Variants in ZCCHC24 observed in about 807,000 individuals in gnomAD.
ZCCHC24 encodes zinc finger CCHC-type containing 24.
ZCCHC24 carries 10 observed loss-of-function variants against 26.2 expected under a neutral mutation model. The ratio of observed to expected loss-of-function variants is 0.38; its 90% CI spans 0.24 to 0.65. The LOEUF (loss-of-function observed/expected upper bound fraction) is 0.65. Ranked by LOEUF, ZCCHC24 falls within the 30% of genes least tolerant of loss-of-function variation. ZCCHC24 has a pLI of 0.54. For missense variants in ZCCHC24, 243 were observed against 329.1 expected, an observed-to-expected ratio of 0.74 and a Z score of 2.03; for synonymous variants, 144 against 147.1, an observed-to-expected ratio of 0.98 and a Z score of 0.15.
chr10:79,407,610 C>G (rs1011053929), intron 2 of ZCCHC24, among the ~76,000 whole-genome samples: 1 of 152,158 alleles, frequency 6.6e-6, no homozygotes, highest in Non-Finnish European at 1.5e-5. Flanking sequence ...AGCCACCGCC[C>G]CAGTGATCCT....
At chr10:79,397,679 T>G (rs746132977) in intron 2 of ZCCHC24, among the ~76,000 whole-genome samples, 2 of 152,128 alleles carry the variant, frequency 1.3e-5, no homozygotes, top group Non-Finnish European at 2.9e-5. Flanking sequence ...AGGTGGGAAC[T>G]TGGGGACTCT....
At chr10:79,391,622 C>T (rs2132175487) in intron 3 of ZCCHC24, among the ~76,000 whole-genome samples, 1 of 152,070 alleles carries the variant, frequency 6.6e-6, no homozygotes, top group Admixed American at 6.5e-5. Flanking sequence ...TTCCTGACTC[C>T]TGCCCCCAGC....
At position 79,444,275 on chromosome 10, in the gene ZCCHC24, C is replaced by T. The variant is rs553325918; in HGVS notation, c.246+920G>A. On this transcript the variant is annotated intron_variant, in intron 1 of 3. Coordinates refer to ENST00000372336, the MANE Select transcript of ZCCHC24 (RefSeq NM_153367.4). ...ATGGAGGGAGGGGAGGAGTCCAGCC[C>T]ACGGAAAGGAGTGGTATCTGGGCAG... 2.4e-4 allele frequency: 346 copies of T among 1,426,442 alleles called. 4 individuals carry two copies. The South Asian group carries it at 5.2e-3, about 21-fold the overall frequency. The allele number at this position is 1,426,442 out of a possible 1,614,324, so 88.4% of individuals were successfully genotyped here.
chr10:79,434,088 G>A (rs186192593), intron 1 of ZCCHC24, among the ~76,000 whole-genome samples: 6 of 152,282 alleles, frequency 3.9e-5, no homozygotes, highest in South Asian at 2.1e-4. Flanking sequence ...CAGGACACAC[G>A]GCTGTGTGAC....
intron 2 of ZCCHC24, among the ~76,000 whole-genome samples, chr10:79,397,486 T>A (rs1474338451): frequency 6.6e-6 from 1 of 152,082 alleles, no homozygotes; most frequent in Non-Finnish European, 1.5e-5. Flanking sequence ...TCACCTGGGG[T>A]CTGGAACCTG....
chr10:79,387,066 C>T (rs746737708), intron 3 of ZCCHC24, among the ~76,000 whole-genome samples: 32 of 152,180 alleles, frequency 2.1e-4, no homozygotes, highest in Non-Finnish European at 3.5e-4. Flanking sequence ...CACAGTGCTT[C>T]GGGCTTGTGG....
rs1195836336 is a variant in ZCCHC24, at chr10:79,445,449, G to T, written c.-9C>A. 1.4e-6 allele frequency: 2 copies of T among 1,439,236 alleles called. No individual in the cohort carries two copies. Among genetic ancestry groups the T allele is most frequent in the African/African-American group, 1.5e-5 (1 of 67,634 alleles). 89.2% of individuals were successfully genotyped at this position (1,439,236 alleles called of 1,614,324 possible). A position where few individuals can be genotyped will look rare whatever the true frequency, so the allele number is the denominator to read the frequency against. On this transcript the variant is annotated 5_prime_UTR_variant, in exon 1 of 4. Coordinates refer to ENST00000372336, the MANE Select transcript of ZCCHC24 (RefSeq NM_153367.4). ...GCCGACAGCAGGCTCATTTTGTGGC[G>T]GCGGTGCCGGCCCCTCCCCGGCCGC...
At chr10:79,389,556 G>GTGTC (rs1181579844) in intron 3 of ZCCHC24, among the ~76,000 whole-genome samples, 2 of 151,858 alleles carry the variant, frequency 1.3e-5, no homozygotes, top group Non-Finnish European at 2.9e-5. Context: ...GTGTGTGTGT[G>GTGTC]TGTGTGTGTG....
At chr10:79,406,566 T>C (rs1322014111) in intron 2 of ZCCHC24, among the ~76,000 whole-genome samples, 1 of 152,218 alleles carries the variant, frequency 6.6e-6, no homozygotes, top group South Asian at 2.1e-4. Context: ...TGATGGAGTG[T>C]CCCCAAATGG....
chr10:79,393,963 T>C (rs1413735072), intron 3 of ZCCHC24, among the ~76,000 whole-genome samples: 1 of 152,222 alleles, frequency 6.6e-6, no homozygotes, highest in Non-Finnish European at 1.5e-5. Flanking sequence ...CTGTTGACAC[T>C]GGCCGACTGG....
At position 79,393,108 on chromosome 10, in the gene ZCCHC24, G is replaced by A. The variant is rs73295297; in HGVS notation, c.612+1168C>T. On this transcript the variant is annotated intron_variant, in intron 3 of 3. Transcript: ENST00000372336. ...GGGATTCAGCATCACTTGGTCTAGGGAATCCCTTCTCTACTCTGTCTACAT... is the reference window on the plus strand; with the variant it reads ...GGGATTCAGCATCACTTGGTCTAGGAAATCCCTTCTCTACTCTGTCTACAT... Among the ~76,000 whole-genome samples the A allele has an allele frequency of 6.9e-3, 1,054 of 152,216 alleles. 8 individuals are homozygous for A. Among genetic ancestry groups the A allele is most frequent in the African/African-American group, 0.024 (999 of 41,512 alleles).
At chr10:79,411,215 C>T (rs1055382555) in intron 2 of ZCCHC24, among the ~76,000 whole-genome samples, 7 of 152,264 alleles carry the variant, frequency 4.6e-5, no homozygotes, top group African/African-American at 1.4e-4. Context: ...GTATGATCCA[C>T]CCTAAAGCTG....
At chr10:79,437,724 C>T (rs11002984) in intron 1 of ZCCHC24, among the ~76,000 whole-genome samples, 36,128 of 152,168 alleles carry the variant, frequency 0.24, 4,763 homozygotes, top group East Asian at 0.38. Context: ...GGGGTGCAGG[C>T]CCTGGGCATG....
intron 2 of ZCCHC24, among the ~76,000 whole-genome samples, chr10:79,401,681 G>A (rs141374187): frequency 1.3e-5 from 2 of 152,336 alleles, no homozygotes; most frequent in African/African-American, 2.4e-5. Context: ...AGGTTGGACT[G>A]ACTGCTGGGC....
At chr10:79,423,924 A>G (rs921197223) in intron 2 of ZCCHC24, among the ~76,000 whole-genome samples, 4 of 151,208 alleles carry the variant, frequency 2.6e-5, no homozygotes, top group Non-Finnish European at 4.4e-5. Context: ...AGGCTGAGGC[A>G]GGAGAATCGC....
At chr10:79,405,116 G>A (rs895417258) in intron 2 of ZCCHC24, among the ~76,000 whole-genome samples, 3 of 152,218 alleles carry the variant, frequency 2.0e-5, no homozygotes. Flanking sequence ...GAACTTCCAG[G>A]GGACTCTGTG....
intron 2 of ZCCHC24, chr10:79,403,510 C>G: frequency 1.0e-6 from 1 of 985,470 alleles, no homozygotes; most frequent in Non-Finnish European, 1.2e-6. Context: ...ACGGAGGCCC[C>G]GGAGGAAGCA....
chr10:79,430,630 G>A (rs1481365630), intron 2 of ZCCHC24, among the ~76,000 whole-genome samples: 24 of 151,542 alleles, frequency 1.6e-4, no homozygotes. Flanking sequence ...AAGAGCGCTG[G>A]CCCTGTCAGG....
intron 2 of ZCCHC24, among the ~76,000 whole-genome samples, chr10:79,423,392 A>T (rs894296285): frequency 2.0e-5 from 3 of 151,228 alleles, no homozygotes; most frequent in Non-Finnish European, 4.4e-5. Flanking sequence ...CTCTACTAAA[A>T]ATTCAAAAAT....
Sources: gnomAD v4.1 joint callset for allele counts (sites outside exome capture counted in the v4.1 genomes callset) on GRCh38, gnomAD v4.1.1 for gene constraint, MANE v1.5 for transcripts, NCBI Gene and HGNC (gene_info 2026-07-23, HGNC 2026-07-21) for gene names.